SUGCT: variants seen among roughly 807,000 people sequenced by gnomAD.
SUGCT encodes the protein succinyl-CoA:glutarate-CoA transferase, also known as succinyl-CoA:glutarate CoA-transferase.
In SUGCT, 41 loss-of-function variants were observed where a neutral mutation model predicts 55.0. The ratio of observed to expected loss-of-function variants is 0.74; its 90% CI spans 0.58 to 0.97. The LOEUF (loss-of-function observed/expected upper bound fraction) is 0.97, where lower values mean the gene tolerates loss of function less well. Among genes scored for constraint, SUGCT ranks in the 50% least tolerant of loss-of-function variants. The pLI is 0.00. For synonymous variants in SUGCT, 187 were observed against 200.4 expected (o/e 0.93, Z 0.56); for missense variants, 568 against 547.8 (o/e 1.04, Z -0.37).
chr7:40,784,374 T>G (rs1215624378), intron 13 of SUGCT, among the ~76,000 whole-genome samples: 1 of 152,178 alleles, frequency 6.6e-6, no homozygotes, highest in African/African-American at 2.4e-5. Context: ...TTTCAGTGTT[T>G]CAAGTGGGCC....
At chr7:40,155,367 GA>G (rs769265570) in intron 1 of SUGCT, among the ~76,000 whole-genome samples, 2,825 of 139,194 alleles carry the variant, frequency 0.02, 65 homozygotes, top group African/African-American at 0.063. Flanking sequence ...TTCTTCCAGT[GA>G]AAAAAAAAAA....
intron 13 of SUGCT, among the ~76,000 whole-genome samples, chr7:40,751,962 A>G (rs1363093698): frequency 6.6e-6 from 1 of 152,250 alleles, no homozygotes; most frequent in Admixed American, 6.5e-5. Flanking sequence ...TATTATTTAC[A>G]GATTACTAGA....
intron 11 of SUGCT, among the ~76,000 whole-genome samples, chr7:40,483,763 A>T (rs539403799): frequency 2.0e-5 from 3 of 152,276 alleles, no homozygotes. Flanking sequence ...CCATGAAAAG[A>T]TGCTTAATTT....
At chr7:40,501,805 C>T (rs769047316) in intron 12 of SUGCT, among the ~76,000 whole-genome samples, 13 of 152,082 alleles carry the variant, frequency 8.5e-5, no homozygotes, top group Non-Finnish European at 1.3e-4. Context: ...TGTTCAGTGT[C>T]ACAGAAGGGT....
intron 7 of SUGCT, among the ~76,000 whole-genome samples, chr7:40,261,320 A>G (rs1791209940): frequency 6.6e-6 from 1 of 152,196 alleles, no homozygotes; most frequent in Non-Finnish European, 1.5e-5. Flanking sequence ...ATCTTCCAAA[A>G]GATAAAGAAA....
chr7:41,018,210 T>A, the SUGCT span, among the ~76,000 whole-genome samples: 2 of 152,000 alleles, frequency 1.3e-5, no homozygotes, highest in Non-Finnish European at 2.9e-5. Context: ...AGAGAATGCA[T>A]GACCAAGTCA....
chr7:40,290,288 C>G lies in SUGCT; in HGVS notation c.720+15632C>G, dbSNP rs1024639907. ...AGGCTACAGTAACCAAAACAGCATG[C>G]TACTGGTACCAAAACAGAGATAGAG... On this transcript the variant is annotated intron_variant, in intron 8 of 13. Transcript: ENST00000335693. Among the ~76,000 whole-genome samples, 34 of 152,066 alleles carry G rather than the reference C, an allele frequency of 2.2e-4. 1 individual carries two copies. The highest frequency in any genetic ancestry group is 1.9e-4 in the African/African-American group (8 of 41,424).
intron 12 of SUGCT, among the ~76,000 whole-genome samples, chr7:40,543,338 C>T (rs749162385): frequency 2.0e-5 from 3 of 152,106 alleles, no homozygotes; most frequent in Non-Finnish European, 2.9e-5. Flanking sequence ...ATATATGCAG[C>T]TCAAAAAATG....
At chr7:40,727,813 C>G (rs907915845) in intron 12 of SUGCT, among the ~76,000 whole-genome samples, 4 of 152,132 alleles carry the variant, frequency 2.6e-5, no homozygotes, top group African/African-American at 9.7e-5. Context: ...TTCAGTTTTT[C>G]CCTCTTAATA....
the SUGCT span, among the ~76,000 whole-genome samples, chr7:40,913,136 G>A: frequency 6.7e-6 from 1 of 150,018 alleles, no homozygotes. Flanking sequence ...TCAGCCTCCC[G>A]AGTACCTGGG....
At chr7:40,608,399 A>G (rs1293023775) in intron 12 of SUGCT, among the ~76,000 whole-genome samples, 2 of 152,198 alleles carry the variant, frequency 1.3e-5, no homozygotes, top group East Asian at 1.9e-4. Context: ...TGGTTGTCCA[A>G]ACATACTCTG....
intron 12 of SUGCT, among the ~76,000 whole-genome samples, chr7:40,655,563 A>G (rs548418558): frequency 6.6e-6 from 1 of 152,336 alleles, no homozygotes; most frequent in African/African-American, 2.4e-5. Flanking sequence ...TGGAGGCGTC[A>G]GTTACAAAGC....
chr7:40,814,482 C>T (rs1293473687), intron 13 of SUGCT, among the ~76,000 whole-genome samples: 4 of 151,662 alleles, frequency 2.6e-5, no homozygotes, highest in African/African-American at 9.7e-5. Context: ...CTGCTTGGTC[C>T]AGTCTATTGA....
the SUGCT span, among the ~76,000 whole-genome samples, chr7:40,925,441 T>C: frequency 6.6e-6 from 1 of 152,238 alleles, no homozygotes; most frequent in East Asian, 1.9e-4. Context: ...TGTCCACATG[T>C]ATATCATCTT....
At position 40,716,490 on chromosome 7, in the gene SUGCT, A is replaced by G. The variant is rs559813605; in HGVS notation, c.1090-32944A>G. Among the ~76,000 whole-genome samples the G allele has an allele frequency of 2.0e-5, 3 of 152,342 alleles. No homozygotes were observed. In the East Asian group the frequency reaches 5.8e-4, roughly 29 times the overall value. On this transcript the variant is annotated intron_variant, in intron 12 of 13. Coordinates refer to ENST00000335693, the MANE Select transcript of SUGCT (RefSeq NM_001193313.2). ...TTAATTAATGAATCAATGGTTATCT[A>G]TTAAATGCTTGTTGTGTTTAAAGGG...
intron 6 of SUGCT, among the ~76,000 whole-genome samples, chr7:40,205,412 T>C (rs931229862): frequency 4.3e-4 from 65 of 150,642 alleles, no homozygotes; most frequent in South Asian, 2.5e-3. Context: ...GAGGCCAAGG[T>C]GGGCAGATCA....
chr7:40,477,786 T>C (rs1790787184), intron 11 of SUGCT, among the ~76,000 whole-genome samples: 1 of 152,156 alleles, frequency 6.6e-6, no homozygotes, highest in South Asian at 2.1e-4. Context: ...AAAGAGAAGT[T>C]GTAGGCTTGT....
intron 1 of SUGCT, 40 bp downstream of exon 1, chr7:40,135,160 C>T (rs1214152895): frequency 6.6e-7 from 1 of 1,511,738 alleles, no homozygotes; most frequent in East Asian, 2.6e-5. Context: ...AAAGGGATCC[C>T]TGCCCCAGCT....
chr7:40,296,633 G>A (rs1030615823), intron 8 of SUGCT, among the ~76,000 whole-genome samples: 3 of 49,276 alleles, frequency 6.1e-5, no homozygotes, highest in Non-Finnish European at 1.4e-4. Flanking sequence ...GTGTGTGTGT[G>A]TGTGTGTGTG....
Sources: gnomAD v4.1 joint callset for allele counts (sites outside exome capture counted in the v4.1 genomes callset) on GRCh38, gnomAD v4.1.1 for gene constraint, MANE v1.5 for transcripts, NCBI Gene and HGNC (gene_info 2026-07-23, HGNC 2026-07-21) for gene names.